Variants in NOX4 observed in about 807,000 individuals in gnomAD.
The protein encoded by NOX4 is NADPH oxidase 4.
A neutral mutation model predicts 87.6 loss-of-function variants in NOX4; 69 were observed. That is an observed-to-expected ratio of 0.79 (90% CI 0.65 to 0.96). The LOEUF (loss-of-function observed/expected upper bound fraction) is 0.96. Ranked by LOEUF, NOX4 falls within the 40% of genes least tolerant of loss-of-function variation. The probability of loss-of-function intolerance (pLI) is 0.00; values close to 1 mark genes in which losing one functional copy is unlikely to be tolerated. For synonymous variants in NOX4, 275 were observed against 238.2 expected (o/e 1.15, Z -1.42); for missense variants, 680 against 681.5 (o/e 1.00, Z 0.02).
the NOX4 span, among the ~76,000 whole-genome samples, chr11:89,543,397 C>T: frequency 3.3e-5 from 5 of 151,940 alleles, no homozygotes; most frequent in African/African-American, 1.2e-4. Context: ...TAATTGGTTC[C>T]TCAATAAACA....
the NOX4 span, among the ~76,000 whole-genome samples, chr11:89,533,411 A>C: frequency 6.6e-6 from 1 of 152,202 alleles, no homozygotes; most frequent in South Asian, 2.1e-4. Context: ...GAAATCTCAC[A>C]GCAATACAAC....
At chr11:89,540,896 C>G in the NOX4 span, among the ~76,000 whole-genome samples, 148 of 145,554 alleles carry the variant, frequency 1.0e-3, no homozygotes, top group African/African-American at 3.2e-3. Context: ...ACCTGAGGTC[C>G]TTTCTGAGGA....
intron 7 of NOX4, among the ~76,000 whole-genome samples, chr11:89,427,301 T>A (rs991413455): frequency 2.0e-5 from 3 of 152,120 alleles, no homozygotes; most frequent in African/African-American, 4.8e-5. Context: ...CTGAAAATTC[T>A]AAAAATCAGA....
At chr11:89,411,857 A>G (rs770559441) in intron 8 of NOX4, among the ~76,000 whole-genome samples, 4 of 152,170 alleles carry the variant, frequency 2.6e-5, no homozygotes, top group Admixed American at 6.6e-5. Flanking sequence ...TAAACTGTCC[A>G]ATCAAAAGAC....
At chr11:89,326,904 A>G (rs760662672) in intron 17 of NOX4, 28 bp from the exon 18 acceptor site, 3 of 1,611,498 alleles carry the variant, frequency 1.9e-6, no homozygotes, top group Non-Finnish European at 8.5e-7. Flanking sequence ...AAAATGGAAA[A>G]TCAGGTGTAA....
At chr11:89,546,895 G>T in the NOX4 span, among the ~76,000 whole-genome samples, 2 of 152,160 alleles carry the variant, frequency 1.3e-5, no homozygotes. Context: ...CAACATAGTT[G>T]CATAATGAAT....
intron 2 of NOX4, among the ~76,000 whole-genome samples, chr11:89,479,614 G>T (rs1946308353): frequency 6.6e-6 from 1 of 152,004 alleles, no homozygotes; most frequent in Non-Finnish European, 1.5e-5. Context: ...ATCCTTTCAT[G>T]GGTTCCCATA....
chr11:89,386,564 C>T (rs1047621563), intron 11 of NOX4, among the ~76,000 whole-genome samples: 2 of 152,118 alleles, frequency 1.3e-5, no homozygotes, highest in Non-Finnish European at 2.9e-5. Flanking sequence ...CCCCACCACA[C>T]CATCAATCTC....
At chr11:89,577,740 T>C in the NOX4 span, 75 of 152,298 alleles carry the variant, frequency 4.9e-4, no homozygotes, top group African/African-American at 1.5e-3. Flanking sequence ...TCCTCTGCAA[T>C]TAGTTTATAA....
intron 11 of NOX4, among the ~76,000 whole-genome samples, chr11:89,391,235 C>T (rs1409286770): frequency 2.6e-5 from 4 of 152,046 alleles, no homozygotes; most frequent in Non-Finnish European, 4.4e-5. Flanking sequence ...ACATGGGATG[C>T]TCATAAAAGG....
At chr11:89,562,992 G>T in the NOX4 span, among the ~76,000 whole-genome samples, 1 of 152,082 alleles carries the variant, frequency 6.6e-6, no homozygotes, top group Non-Finnish European at 1.5e-5. Flanking sequence ...CTTCCCCTCC[G>T]CTCACGCTCT....
intron 12 of NOX4, among the ~76,000 whole-genome samples, chr11:89,371,681 G>GAA (rs886898997): frequency 2.1e-5 from 3 of 144,630 alleles, no homozygotes; most frequent in Non-Finnish European, 3.0e-5. Flanking sequence ...CAAAACAGTA[G>GAA]AAAAAAAAAA....
At chr11:89,425,622 T>A (rs891529029) in intron 7 of NOX4, among the ~76,000 whole-genome samples, 1 of 151,842 alleles carries the variant, frequency 6.6e-6, no homozygotes, top group Non-Finnish European at 1.5e-5. Flanking sequence ...TTTGGTAAAA[T>A]ACATATGTAT....
At chr11:89,559,513 G>A in the NOX4 span, among the ~76,000 whole-genome samples, 17 of 152,076 alleles carry the variant, frequency 1.1e-4, no homozygotes. Context: ...CTACCAAGGT[G>A]AGGTCACTGA....
At chr11:89,573,366 C>T in the NOX4 span, among the ~76,000 whole-genome samples, 13 of 152,102 alleles carry the variant, frequency 8.5e-5, no homozygotes, top group Non-Finnish European at 1.5e-4. Flanking sequence ...GAAACCCTGT[C>T]TCTACTAAAA....
chr11:89,388,823 T>C (rs1331014870), intron 11 of NOX4, among the ~76,000 whole-genome samples: 1 of 152,160 alleles, frequency 6.6e-6, no homozygotes, highest in Non-Finnish European at 1.5e-5. Context: ...GGTCCCTTAG[T>C]CACTATCTGA....
chr11:89,428,298 A>C (rs1486314419), intron 7 of NOX4, among the ~76,000 whole-genome samples: 1 of 152,184 alleles, frequency 6.6e-6, no homozygotes, highest in East Asian at 1.9e-4. Flanking sequence ...ATGCTAGAAG[A>C]AACTGCATCA....
chr11:89,530,274 AT>A, the NOX4 span, among the ~76,000 whole-genome samples: 1 of 147,452 alleles, frequency 6.8e-6, no homozygotes, highest in Non-Finnish European at 1.5e-5. Flanking sequence ...GGCTCCCATA[AT>A]TTCCTTTCCC....
chr11:89,347,854 C>T (rs1439544125), intron 13 of NOX4, among the ~76,000 whole-genome samples: 3 of 152,134 alleles, frequency 2.0e-5, no homozygotes, highest in Non-Finnish European at 4.4e-5. Context: ...TGGCCCCATG[C>T]GGTAGCTCAT....
Sources: allele counts gnomAD v4.1 joint callset (sites outside exome capture counted in the v4.1 genomes callset), GRCh38; gene constraint gnomAD v4.1.1; transcripts MANE v1.5; gene names NCBI Gene and HGNC (gene_info 2026-07-23, HGNC 2026-07-21).